Variants in ZNF652 observed in about 807,000 individuals in gnomAD.
ZNF652 encodes zinc finger protein 652.
ZNF652 carries 16 observed loss-of-function variants against 45.2 expected under a neutral mutation model. The observed-to-expected ratio is 0.35, with a 90% CI of 0.24 to 0.54. The LOEUF is 0.54. Ranked by LOEUF, ZNF652 falls within the 20% of genes least tolerant of loss-of-function variation. The probability of loss-of-function intolerance (pLI) is 0.91; values close to 1 mark genes in which losing one functional copy is unlikely to be tolerated. For missense variants in ZNF652, 614 were observed against 765.6 expected, an observed-to-expected ratio of 0.80 and a Z score of 2.34; for synonymous variants, 250 against 260.6, an observed-to-expected ratio of 0.96 and a Z score of 0.39.
rs1254696728 is a variant in ZNF652, at chr17:49,291,275, G to A, written c.*7138C>T. 6.6e-6 allele frequency: 1 copy of A among 152,226 alleles called. No individual in the cohort carries two copies. The highest frequency in any genetic ancestry group is 1.5e-5 in the Non-Finnish European group (1 of 68,056). 9.4% of individuals were successfully genotyped at this position (152,226 alleles called of 1,614,324 possible). Reference sequence around the variant, plus strand: ...CCTTTTCACCCATAAAAGACAGGTAGGGAGGAAGCTGTGTTCATTCAGAGG... The same window carrying A: ...CCTTTTCACCCATAAAAGACAGGTAAGGAGGAAGCTGTGTTCATTCAGAGG... On this transcript the variant is annotated 3_prime_UTR_variant, in exon 6 of 6. Coordinates refer to ENST00000430262, the MANE Select transcript of ZNF652 (RefSeq NM_001145365.3).
At chr17:49,306,566 C>T (rs1046415996) in intron 5 of ZNF652, among the ~76,000 whole-genome samples, 13 of 152,036 alleles carry the variant, frequency 8.6e-5, no homozygotes, top group African/African-American at 2.4e-4. Context: ...GGATTACAGA[C>T]GTGAGTCACT....
chr17:49,316,382 C>A (rs1191134820), intron 2 of ZNF652, among the ~76,000 whole-genome samples: 1 of 152,194 alleles, frequency 6.6e-6, no homozygotes, highest in Non-Finnish European at 1.5e-5. Context: ...TTCCACCGGT[C>A]TGAGTCATTA....
chr17:49,341,138 G>A (rs1476467995), intron 1 of ZNF652, among the ~76,000 whole-genome samples: 1 of 152,084 alleles, frequency 6.6e-6, no homozygotes, highest in Non-Finnish European at 1.5e-5. Context: ...TTGAACCCAG[G>A]AGGTGGAGGT....
chr17:49,301,567 G>C (rs1374441185), intron 5 of ZNF652, among the ~76,000 whole-genome samples: 1 of 152,076 alleles, frequency 6.6e-6, no homozygotes, highest in Non-Finnish European at 1.5e-5. Context: ...CAAAGTGCTG[G>C]GATTACAGGT....
intron 1 of ZNF652, among the ~76,000 whole-genome samples, chr17:49,327,968 A>C (rs1222149702): frequency 6.6e-6 from 1 of 151,506 alleles, no homozygotes; most frequent in African/African-American, 2.4e-5. Flanking sequence ...CAAACTCTGA[A>C]ACCAGACTGC....
chr17:49,321,647 C>T (rs1483481885), intron 1 of ZNF652, among the ~76,000 whole-genome samples: 1 of 151,954 alleles, frequency 6.6e-6, no homozygotes, highest in African/African-American at 2.4e-5. Flanking sequence ...CAAGCTGCTA[C>T]GAGTAGAAAC....
At chr17:49,357,429 CTACTT>C (rs1249456185) in intron 1 of ZNF652, among the ~76,000 whole-genome samples, 2 of 152,196 alleles carry the variant, frequency 1.3e-5, no homozygotes. Flanking sequence ...TAAAGACACT[CTACTT>C]TTCTTTCCTT....
chr17:49,338,668 A>C lies in ZNF652; in HGVS notation c.-258-20685T>G, dbSNP rs1391931186. Among the ~76,000 whole-genome samples the C allele has an allele frequency of 2.0e-5, 3 of 152,198 alleles. No individual in the cohort carries two copies. In the East Asian group the frequency reaches 5.8e-4, roughly 29 times the overall value. On this transcript the variant is annotated intron_variant, in intron 1 of 5. Coordinates refer to ENST00000430262, the MANE Select transcript of ZNF652 (RefSeq NM_001145365.3). ...GTAGAGTTGTCCAATAGCCAACTGG[A>C]TAGAAGCACCTGATCAAAGGAAAAG...
chr17:49,319,156 CCCACCTA>C (rs1222382414), intron 1 of ZNF652, among the ~76,000 whole-genome samples: 2 of 152,180 alleles, frequency 1.3e-5, no homozygotes, highest in Non-Finnish European at 2.9e-5. Flanking sequence ...GTTTAGCCAA[CCCACCTA>C]TCCTCTTGAG....
intron 4 of ZNF652, 87 bp downstream of exon 4, chr17:49,311,840 T>G: frequency 8.7e-7 from 1 of 1,145,864 alleles, no homozygotes; most frequent in Non-Finnish European, 1.3e-6. Flanking sequence ...TTGTGCCTCC[T>G]GCTCCAGCAC....
At chr17:49,314,679 T>G (rs2069773401) in intron 2 of ZNF652, among the ~76,000 whole-genome samples, 1 of 152,126 alleles carries the variant, frequency 6.6e-6, no homozygotes, top group Non-Finnish European at 1.5e-5. Context: ...AAAACAATAC[T>G]AGAAAGCTCT....
At chr17:49,315,876 G>A (rs1215912899) in intron 2 of ZNF652, among the ~76,000 whole-genome samples, 3 of 152,190 alleles carry the variant, frequency 2.0e-5, no homozygotes, top group Non-Finnish European at 2.9e-5. Flanking sequence ...AATGATCTCA[G>A]ATGTTGATTA....
At chr17:49,351,005 A>ATG (rs1567700196) in intron 1 of ZNF652, among the ~76,000 whole-genome samples, 1 of 21,568 alleles carries the variant, frequency 4.6e-5, no homozygotes, top group African/African-American at 2.5e-4. Flanking sequence ...ATATATATAT[A>ATG]TATATATATA....
rs566723992 is a variant in ZNF652 at position 49,332,089 on chromosome 17, G to A, written c.-258-14106C>T. 5.3e-5 allele frequency among the ~76,000 whole-genome samples: 8 copies of A among 152,190 alleles called. No individual in the cohort carries two copies. The South Asian group carries it at 1.2e-3, about 24-fold the overall frequency. ...GGAGTTCAAGACCAGCTTGGCCAGC[G>A]TGGCAAAACCCTGTCTCTACTGATA... On this transcript the variant is annotated intron_variant, in intron 1 of 5. Transcript: ENST00000430262.
At chr17:49,355,447 C>T (rs1379238487) in intron 1 of ZNF652, among the ~76,000 whole-genome samples, 1 of 151,596 alleles carries the variant, frequency 6.6e-6, no homozygotes, top group Non-Finnish European at 1.5e-5. Flanking sequence ...CATGGTGGTG[C>T]GCACCTGCAG....
intron 1 of ZNF652, among the ~76,000 whole-genome samples, chr17:49,355,662 G>A (rs190483954): frequency 6.6e-6 from 1 of 152,260 alleles, no homozygotes; most frequent in Admixed American, 6.5e-5. Context: ...CACTTTGGGA[G>A]GCCGAGGCGG....
At chr17:49,304,894 A>G (rs57980718) in intron 5 of ZNF652, among the ~76,000 whole-genome samples, 45,363 of 151,014 alleles carry the variant, frequency 0.3, 7,028 homozygotes, top group South Asian at 0.42. Flanking sequence ...ATATATATAT[A>G]TACACACACA....
At chr17:49,327,771 ATATATATAT>A (rs1192604954) in intron 1 of ZNF652, among the ~76,000 whole-genome samples, 26 of 3,520 alleles carry the variant, frequency 7.4e-3, no homozygotes, top group Non-Finnish European at 0.011. Flanking sequence ...ATATATATAT[ATATATATAT>A]TTTTTTTTTT....
chr17:49,327,781 T>TATG (rs2069981069), intron 1 of ZNF652, among the ~76,000 whole-genome samples: 1 of 5,802 alleles, frequency 1.7e-4, no homozygotes, highest in African/African-American at 1.0e-3. Flanking sequence ...ATATATATAT[T>TATG]TTTTTTTTTT....
Sources: allele counts gnomAD v4.1 joint callset (sites outside exome capture counted in the v4.1 genomes callset), GRCh38; gene constraint gnomAD v4.1.1; transcripts MANE v1.5; gene names NCBI Gene and HGNC (gene_info 2026-07-23, HGNC 2026-07-21).